MALRD1: variants seen among roughly 807,000 people sequenced by gnomAD.
MALRD1 encodes MAM and LDL-receptor class A domain-containing protein 1.
In MALRD1, 247 loss-of-function variants were observed where a neutral mutation model predicts 242.1. The ratio of observed to expected loss-of-function variants is 1.02; its 90% CI spans 0.92 to 1.13. MALRD1 has a LOEUF of 1.13. Ranked by LOEUF, MALRD1 falls within the 50% of genes most tolerant of loss-of-function variation. The probability of loss-of-function intolerance (pLI) is 0.00; values close to 1 mark genes in which losing one functional copy is unlikely to be tolerated. For missense variants in MALRD1, 2,989 were observed against 2,533.1 expected (o/e 1.18, Z -3.86); for synonymous variants, 995 against 866.6 (o/e 1.15, Z -2.60).
At chr10:19,414,296 A>G (rs935349935) in intron 28 of MALRD1, among the ~76,000 whole-genome samples, 1 of 152,232 alleles carries the variant, frequency 6.6e-6, no homozygotes, top group Non-Finnish European at 1.5e-5. Context: ...TTACAGAGCA[A>G]TAACTGATAA....
chr10:19,110,697 C>A (rs1836646916), intron 5 of MALRD1, among the ~76,000 whole-genome samples: 1 of 152,102 alleles, frequency 6.6e-6, no homozygotes, highest in Non-Finnish European at 1.5e-5. Context: ...ATTCCTGGGT[C>A]CAGAGCAAAG....
In MALRD1 at chr10:19,340,218, A is replaced by T. The variant is rs570533842; in HGVS notation, c.3902-7553A>T. Among the ~76,000 whole-genome samples, 107 of 152,282 alleles carry T rather than the reference A, an allele frequency of 7.0e-4. 1 individual carries two copies. Among genetic ancestry groups the T allele is most frequent in the African/African-American group, 2.5e-3 (102 of 41,586 alleles). ...CAGACATGCCTTGAGAAATAATCACATCACAGAGAATGGGATATCTACCCT... is the reference window on the plus strand; with the variant it reads ...CAGACATGCCTTGAGAAATAATCACTTCACAGAGAATGGGATATCTACCCT... On this transcript the variant is annotated intron_variant, in intron 24 of 39. Coordinates refer to ENST00000454679, the MANE Select transcript of MALRD1 (RefSeq NM_001142308.3).
intron 2 of MALRD1, 54 bp from the exon 3 acceptor site, chr10:19,087,786 G>A: frequency 1.2e-6 from 1 of 867,442 alleles, no homozygotes; most frequent in South Asian, 5.9e-5. Flanking sequence ...CAAATAGTAG[G>A]TCTTATTCAT....
intron 29 of MALRD1, among the ~76,000 whole-genome samples, chr10:19,451,225 G>A (rs968484855): frequency 2.0e-5 from 3 of 151,920 alleles, no homozygotes; most frequent in Non-Finnish European, 4.4e-5. Flanking sequence ...GTAAAAACAG[G>A]TTAGAAATCT....
intron 32 of MALRD1, among the ~76,000 whole-genome samples, chr10:19,543,429 A>ATTTTT (rs1364193801): frequency 2.3e-5 from 1 of 43,872 alleles, no homozygotes; most frequent in African/African-American, 7.6e-5. Context: ...TGCCCAGCTG[A>ATTTTT]TTTCTTTTTT....
intron 38 of MALRD1, among the ~76,000 whole-genome samples, chr10:19,692,867 T>TTATATATATATATATATATATATA (rs1254775928): frequency 2.7e-3 from 81 of 29,604 alleles, no homozygotes; most frequent in East Asian, 6.9e-3. Context: ...ATAGATGAAA[T>TTATATATATATATATATATATATA]TATATATATA....
intron 26 of MALRD1, among the ~76,000 whole-genome samples, chr10:19,362,612 G>A (rs894182592): frequency 5.9e-5 from 9 of 152,082 alleles, no homozygotes; most frequent in African/African-American, 2.2e-4. Context: ...ACTAAAGCTG[G>A]AAGAAGGTAG....
At chr10:19,485,652 A>AAG (rs1837204766) in intron 29 of MALRD1, among the ~76,000 whole-genome samples, 1 of 151,562 alleles carries the variant, frequency 6.6e-6, no homozygotes, top group Non-Finnish European at 1.5e-5. Context: ...CAATTAAAAA[A>AAG]AAAAAAATAG....
intron 32 of MALRD1, among the ~76,000 whole-genome samples, chr10:19,532,958 A>G (rs544699060): frequency 3.9e-5 from 6 of 152,252 alleles, no homozygotes; most frequent in African/African-American, 1.2e-4. Flanking sequence ...GCTTCAAGAA[A>G]CTCCACAACA....
At chr10:19,331,638 C>G in intron 24 of MALRD1, 56 bp downstream of exon 24, 3 of 1,345,274 alleles carry the variant, frequency 2.2e-6, no homozygotes, top group Non-Finnish European at 3.1e-6. Context: ...CAGCCTTACT[C>G]AATATCTGTG....
intron 19 of MALRD1, among the ~76,000 whole-genome samples, chr10:19,269,094 A>G (rs191727607): frequency 6.6e-6 from 1 of 152,198 alleles, no homozygotes; most frequent in East Asian, 1.9e-4. Flanking sequence ...AGAGACTTAA[A>G]TCTATCATTG....
intron 18 of MALRD1, among the ~76,000 whole-genome samples, chr10:19,223,423 T>G (rs908293863): frequency 1.4e-4 from 11 of 76,888 alleles, no homozygotes; most frequent in African/African-American, 2.4e-4. Flanking sequence ...TTCTAAGCAA[T>G]TTTTTTTTTT....
intron 29 of MALRD1, among the ~76,000 whole-genome samples, chr10:19,489,815 A>G (rs932214061): frequency 6.6e-6 from 1 of 152,188 alleles, no homozygotes; most frequent in Non-Finnish European, 1.5e-5. Context: ...TTGTAGTAGA[A>G]TTGTTTCCTA....
intron 7 of MALRD1, 94 bp from the exon 8 acceptor site, chr10:19,128,127 C>A: frequency 1.2e-6 from 1 of 860,122 alleles, no homozygotes; most frequent in Non-Finnish European, 1.5e-6. Flanking sequence ...TGTTTTAAGT[C>A]TAGTTTTGAA....
At chr10:19,283,951 A>G (rs1840958835) in intron 21 of MALRD1, among the ~76,000 whole-genome samples, 2 of 152,162 alleles carry the variant, frequency 1.3e-5, no homozygotes. Flanking sequence ...GCAAGTCAAT[A>G]AATAGAAAGC....
intron 36 of MALRD1, among the ~76,000 whole-genome samples, chr10:19,656,701 C>A (rs1231425904): frequency 6.6e-6 from 1 of 152,080 alleles, no homozygotes; most frequent in Non-Finnish European, 1.5e-5. Flanking sequence ...CATTTCTCAG[C>A]TGTATACCTG....
intron 14 of MALRD1, among the ~76,000 whole-genome samples, chr10:19,199,755 C>T (rs918407158): frequency 5.3e-5 from 8 of 151,912 alleles, no homozygotes; most frequent in Admixed American, 4.6e-4. Context: ...GAGCTGAGAT[C>T]GCACCACTGC....
intron 33 of MALRD1, among the ~76,000 whole-genome samples, chr10:19,587,036 C>A (rs985272954): frequency 2.0e-4 from 31 of 152,248 alleles, no homozygotes; most frequent in African/African-American, 7.2e-4. Context: ...AGGGAACTCC[C>A]TGACCCCTTG....
chr10:19,461,427 T>C (rs1366483169), intron 29 of MALRD1, among the ~76,000 whole-genome samples: 1 of 152,228 alleles, frequency 6.6e-6, no homozygotes, highest in Non-Finnish European at 1.5e-5. Flanking sequence ...TGGAAATCTC[T>C]ATGTTAACTA....
Sources: allele counts gnomAD v4.1 joint callset (sites outside exome capture counted in the v4.1 genomes callset), GRCh38; gene constraint gnomAD v4.1.1; transcripts MANE v1.5; gene names NCBI Gene and HGNC (gene_info 2026-07-23, HGNC 2026-07-21).